STK10: variants seen among roughly 807,000 people sequenced by gnomAD.
The protein encoded by STK10 is serine/threonine kinase 10, also known as serine/threonine-protein kinase 10.
In STK10, 78 loss-of-function variants were observed where a neutral mutation model predicts 113.8. The ratio of observed to expected loss-of-function variants is 0.69; its 90% CI spans 0.57 to 0.83. The LOEUF (loss-of-function observed/expected upper bound fraction) is 0.83. STK10 is among the 40% of genes least tolerant of loss of function. The pLI, the probability that STK10 is intolerant of heterozygous loss-of-function variation, is 0.00. For missense variants in STK10, 1,109 were observed against 1,280.1 expected (o/e 0.87, Z 2.04); for synonymous variants, 465 against 494.7 (o/e 0.94, Z 0.80).
intron 2 of STK10, among the ~76,000 whole-genome samples, chr5:172,135,941 C>T (rs1769848650): frequency 1.3e-5 from 2 of 151,714 alleles, no homozygotes; most frequent in African/African-American, 2.4e-5. Context: ...GTATGAGAAT[C>T]GCTTGAACCC....
At position 172,122,780 on chromosome 5, in the gene STK10, T is replaced by G. The variant is rs539203700; in HGVS notation, c.370+4593A>C. Among the ~76,000 whole-genome samples, 324 of 152,282 alleles carry G rather than the reference T, an allele frequency of 2.1e-3. 2 individuals are homozygous for G. Among genetic ancestry groups the G allele is most frequent in the African/African-American group, 7.5e-3 (310 of 41,568 alleles). ...CTGGGACTACAGGCGCCCGCCACCA[T>G]GCTCGGCTAATTTTTTGTATTTTCA... On this transcript the variant is annotated intron_variant, in intron 3 of 18. Transcript: ENST00000176763.
intron 12 of STK10, among the ~76,000 whole-genome samples, chr5:172,068,073 G>C (rs1014425490): frequency 1.4e-4 from 22 of 152,232 alleles, no homozygotes; most frequent in Admixed American, 7.9e-4. Flanking sequence ...GGGCGCGGTG[G>C]CTCACGCCTG....
At chr5:172,065,042 T>G (rs1768039828) in intron 12 of STK10, among the ~76,000 whole-genome samples, 1 of 152,142 alleles carries the variant, frequency 6.6e-6, no homozygotes, top group South Asian at 2.1e-4. Context: ...AGTGGGCAGG[T>G]GCTGTTTTCA....
chr5:172,065,187 C>T (rs1396004396), intron 12 of STK10, among the ~76,000 whole-genome samples: 1 of 152,168 alleles, frequency 6.6e-6, no homozygotes. Context: ...CCTCTCCCCC[C>T]ATGAAATACT....
intron 6 of STK10, 40 bp from the exon 7 acceptor site, chr5:172,105,777 A>G (rs1292616730): frequency 1.3e-6 from 2 of 1,584,296 alleles, no homozygotes; most frequent in Admixed American, 1.7e-5. Context: ...GGAGGAGGCA[A>G]GAGCAGAGAG....
chr5:172,093,780 C>A lies in STK10; in HGVS notation c.1186G>T (p.Val396Leu). The stretch of plus-strand genomic sequence containing the variant: ...AGGCCGTTCTCATTTCCAGGGGCCA[C>A]GACTGGGGGACTGGTGGTTTGGAGG... ...RSLQTTSPPV[V>L]APGNENGLAV... Residue 396 changes from valine to leucine, a missense_variant, in exon 9 of 19, where the codon GTG (valine) becomes TTG (leucine). Coordinates refer to ENST00000176763, the MANE Select transcript of STK10 (RefSeq NM_005990.4). This position sits in a 1 kb window ranked among gnomAD's most constrained non-coding sequence, Gnocchi z 4.1. 1.2e-6 allele frequency: 2 copies of A among 1,609,506 alleles called. No individual in the cohort carries two copies. The highest frequency in any genetic ancestry group is 1.7e-6 in the Non-Finnish European group (2 of 1,176,470).
intron 2 of STK10, among the ~76,000 whole-genome samples, chr5:172,152,171 G>A (rs965487582): frequency 3.3e-5 from 5 of 152,114 alleles, no homozygotes; most frequent in African/African-American, 7.2e-5. Flanking sequence ...TTCTTCACTG[G>A]CCTTCATACC....
chr5:172,093,983 A>C lies in STK10; in HGVS notation c.1006-23T>G. ...GGTCTAGAAAAATATATATATATATATTAAAGGCCATGCTGCTGTATGTTC... is the reference window on the plus strand; with the variant it reads ...GGTCTAGAAAAATATATATATATATCTTAAAGGCCATGCTGCTGTATGTTC... On this transcript the variant is annotated intron_variant, in intron 8 of 18. Transcript: ENST00000176763. This position sits in a 1 kb window ranked among gnomAD's most constrained non-coding sequence, Gnocchi z 4.1. The C allele has an allele frequency of 1.5e-6, 2 of 1,342,968 alleles. No homozygotes were observed. Among genetic ancestry groups the C allele is most frequent in the Non-Finnish European group, 1.9e-6 (2 of 1,034,686 alleles). 83.2% of individuals were successfully genotyped at this position (1,342,968 alleles called of 1,614,324 possible). A position where few individuals can be genotyped will look rare whatever the true frequency, so the allele number is the denominator to read the frequency against.
At position 172,106,541 on chromosome 5, in the gene STK10, C is replaced by T. The variant is rs1161017983; in HGVS notation, c.788+79G>A. ...CAGGAGAACGCTACCACTGCACCTC[C>T]CCAGCCCCGTCCACCACATATTCCA... On this transcript the variant is annotated intron_variant, in intron 6 of 18. Transcript: ENST00000176763. 4.8e-6 allele frequency: 7 copies of T among 1,451,440 alleles called. No homozygotes were observed. The South Asian group carries it at 8.1e-5, about 17-fold the overall frequency. 89.9% of individuals were successfully genotyped at this position (1,451,440 alleles called of 1,614,324 possible). A position where few individuals can be genotyped will look rare whatever the true frequency, so the allele number is the denominator to read the frequency against.
At chr5:172,155,696 A>G (rs61160855) in intron 2 of STK10, among the ~76,000 whole-genome samples, 26,871 of 151,908 alleles carry the variant, frequency 0.18, 2,441 homozygotes, top group East Asian at 0.26. Flanking sequence ...AGAATTAGAA[A>G]AAAAAAAAAT....
intron 7 of STK10, among the ~76,000 whole-genome samples, chr5:172,097,945 C>T (rs965671381): frequency 2.6e-5 from 4 of 152,118 alleles, no homozygotes; most frequent in African/African-American, 9.7e-5. Flanking sequence ...CGGGTATAGC[C>T]AGGGATGTGG....
chr5:172,066,714 C>T (rs113236239), intron 12 of STK10, among the ~76,000 whole-genome samples: 2,750 of 152,170 alleles, frequency 0.018, 86 homozygotes, highest in African/African-American at 0.062. Context: ...TGAACTCAGG[C>T]GGCGTAGGTT....
intron 5 of STK10, among the ~76,000 whole-genome samples, 196 bp downstream of exon 5, chr5:172,107,584 T>C (rs1023547716): frequency 2.0e-5 from 3 of 152,250 alleles, no homozygotes; most frequent in African/African-American, 7.2e-5. Flanking sequence ...GGGGCCATTA[T>C]ATCCCTAATT....
rs535019004 is a variant in STK10, at chr5:172,077,001, T to G, written c.1989+5325A>C. Among the ~76,000 whole-genome samples, 8 of 147,040 alleles carry G rather than the reference T, an allele frequency of 5.4e-5. No homozygotes were observed. In the East Asian group the frequency reaches 1.5e-3, roughly 28 times the overall value. On this transcript the variant is annotated intron_variant, in intron 12 of 18. Coordinates refer to ENST00000176763, the MANE Select transcript of STK10 (RefSeq NM_005990.4). Reference sequence around the variant, plus strand: ...GGCGAAGGCAAAGGAACAGTAAAAGTAGAGTCACATGGGACCACTTGACAA... The same window carrying G: ...GGCGAAGGCAAAGGAACAGTAAAAGGAGAGTCACATGGGACCACTTGACAA...
At chr5:172,165,225 CTGA>C (rs1378029399) in intron 1 of STK10, among the ~76,000 whole-genome samples, 2 of 152,090 alleles carry the variant, frequency 1.3e-5, no homozygotes, top group East Asian at 3.9e-4. Context: ...CGGGAAATAG[CTGA>C]TATCACAGAC....
rs538055198 is a variant in STK10, at chr5:172,104,046, C to G, written c.870+1610G>C. ...GCTACCCCAGAAGGACGCACAGTGG[C>G]TCAGAATGCCGACCACAGGCCCAGT... On this transcript the variant is annotated intron_variant, in intron 7 of 18. Transcript: ENST00000176763. Among the ~76,000 whole-genome samples, 213 of 152,342 alleles carry G rather than the reference C, an allele frequency of 1.4e-3. 1 individual carries two copies. Among genetic ancestry groups the G allele is most frequent in the Non-Finnish European group, 2.2e-3 (148 of 68,036 alleles).
intron 1 of STK10, among the ~76,000 whole-genome samples, chr5:172,168,380 C>T (rs1221849254): frequency 6.6e-6 from 1 of 152,198 alleles, no homozygotes; most frequent in African/African-American, 2.4e-5. Flanking sequence ...AAGGGCCCAA[C>T]ATAAAGCCAA....
At chr5:172,141,170 A>G (rs902700490) in intron 2 of STK10, among the ~76,000 whole-genome samples, 8 of 152,244 alleles carry the variant, frequency 5.3e-5, no homozygotes, top group African/African-American at 1.9e-4. Flanking sequence ...AGCCAGATGA[A>G]TAAGCTCTGG....
At chr5:172,048,153 A>C (rs930607150) in intron 18 of STK10, among the ~76,000 whole-genome samples, 4 of 152,096 alleles carry the variant, frequency 2.6e-5, no homozygotes, top group African/African-American at 9.7e-5. Flanking sequence ...AGATGTCACT[A>C]TGAAGGTATT....
Sources: allele counts gnomAD v4.1 joint callset (sites outside exome capture counted in the v4.1 genomes callset), GRCh38; gene constraint gnomAD v4.1.1; non-coding constraint Gnocchi (gnomAD v3.1); transcripts MANE v1.5; gene names NCBI Gene and HGNC (gene_info 2026-07-23, HGNC 2026-07-21).